Variants in ALK observed in about 807,000 individuals in gnomAD.
The protein encoded by ALK is ALK receptor tyrosine kinase.
In ALK, 74 loss-of-function variants were observed where a neutral mutation model predicts 163.1. The ratio of observed to expected loss-of-function variants is 0.45; its 90% CI spans 0.38 to 0.55. The LOEUF (loss-of-function observed/expected upper bound fraction) is 0.55. ALK is among the 20% of genes least tolerant of loss of function. The probability of loss-of-function intolerance (pLI) is 0.00; values close to 1 mark genes in which losing one functional copy is unlikely to be tolerated. For missense variants in ALK, 2,063 were observed against 2,105.3 expected, an observed-to-expected ratio of 0.98 and a Z score of 0.39; for synonymous variants, 960 against 843.2, an observed-to-expected ratio of 1.14 and a Z score of -2.40.
intron 26 of ALK, among the ~76,000 whole-genome samples, chr2:29,203,443 G>A (rs188873819): frequency 2.2e-4 from 31 of 142,180 alleles, no homozygotes; most frequent in African/African-American, 7.9e-4. Flanking sequence ...TTTCTTTGTG[G>A]AAGTTTGCAG....
At chr2:29,894,852 AAAC>A (rs1558537559) in intron 1 of ALK, among the ~76,000 whole-genome samples, 38 of 31,094 alleles carry the variant, frequency 1.2e-3, no homozygotes, top group African/African-American at 2.1e-3. Context: ...ACACACACAC[AAAC>A]ACACACACAC....
chr2:29,696,508 T>G (rs1055732028), intron 2 of ALK, among the ~76,000 whole-genome samples: 3 of 134,194 alleles, frequency 2.2e-5, no homozygotes, highest in African/African-American at 8.5e-5. Context: ...TGTTCGCACA[T>G]GTATCCAAGA....
At chr2:29,624,130 T>C (rs1676120180) in intron 3 of ALK, among the ~76,000 whole-genome samples, 1 of 22,930 alleles carries the variant, frequency 4.4e-5, no homozygotes, top group Admixed American at 4.8e-4. Flanking sequence ...TGTCAGACTA[T>C]GTGTTGATGC....
At chr2:29,712,778 C>A (rs548503375) in intron 2 of ALK, among the ~76,000 whole-genome samples, 1 of 152,128 alleles carries the variant, frequency 6.6e-6, no homozygotes, top group African/African-American at 2.4e-5. Context: ...CTGGATAGGT[C>A]TCCTTGGACT....
chr2:29,724,325 T>C (rs767695444), intron 1 of ALK, among the ~76,000 whole-genome samples: 3 of 152,222 alleles, frequency 2.0e-5, no homozygotes, highest in Non-Finnish European at 2.9e-5. Context: ...CACTTAATAA[T>C]GCATTCGTTT....
At chr2:29,903,863 A>G (rs1222389895) in intron 1 of ALK, among the ~76,000 whole-genome samples, 1 of 152,180 alleles carries the variant, frequency 6.6e-6, no homozygotes, top group Non-Finnish European at 1.5e-5. Context: ...AACTGTTTAT[A>G]GAAATAACAC....
At chr2:29,530,060 CTCTT>C (rs1247521203) in intron 4 of ALK, among the ~76,000 whole-genome samples, 41 of 102,698 alleles carry the variant, frequency 4.0e-4, no homozygotes, top group Admixed American at 8.4e-4. Flanking sequence ...AAAATAATCG[CTCTT>C]TTTTTTTTTT....
Position 29,392,698 on chromosome 2 carries a change from G to T in ALK, c.1155-8839C>A, listed in dbSNP as rs145312508. 1.8e-3 allele frequency among the ~76,000 whole-genome samples: 281 copies of T among 152,282 alleles called. 1 individual carries two copies. The highest frequency in any genetic ancestry group is 6.3e-3 in the African/African-American group (263 of 41,544). On this transcript the variant is annotated intron_variant, in intron 4 of 28. Coordinates refer to ENST00000389048, the MANE Select transcript of ALK (RefSeq NM_004304.5). ...CTTAGCCTCTAAATCATTGCAATCGGGATGGGGAGGAGTAGGAGTAGACTG... is the reference window on the plus strand; with the variant it reads ...CTTAGCCTCTAAATCATTGCAATCGTGATGGGGAGGAGTAGGAGTAGACTG...
At chr2:29,764,542 C>T (rs1185620027) in intron 1 of ALK, among the ~76,000 whole-genome samples, 1 of 152,148 alleles carries the variant, frequency 6.6e-6, no homozygotes, top group African/African-American at 2.4e-5. Context: ...ATTCTTAGAG[C>T]ACACACTTGG....
At chr2:29,674,581 AT>A (rs1410562386) in intron 3 of ALK, among the ~76,000 whole-genome samples, 1 of 150,930 alleles carries the variant, frequency 6.6e-6, no homozygotes, top group Non-Finnish European at 1.5e-5. Context: ...TTTTGCCAGT[AT>A]TTTATTGAGG....
intron 9 of ALK, among the ~76,000 whole-genome samples, chr2:29,293,844 T>TATATTTCATGCAACAGCCAGGG (rs6146694): frequency 7.9e-5 from 12 of 152,054 alleles, no homozygotes; most frequent in Admixed American, 7.9e-4. Context: ...TGGTCAGATT[T>TATATTTCATGCAACAGCCAGGG]CCAATACCGT....
chr2:29,212,830 C>T (rs972487400), intron 24 of ALK, among the ~76,000 whole-genome samples: 10 of 152,118 alleles, frequency 6.6e-5, no homozygotes, highest in South Asian at 2.1e-4. Context: ...CCTCACCTCC[C>T]GAGTAGCTGG....
chr2:29,278,643 C>T (rs1315478584), intron 9 of ALK, among the ~76,000 whole-genome samples: 3 of 152,200 alleles, frequency 2.0e-5, no homozygotes, highest in African/African-American at 7.2e-5. Context: ...AAAACCAGGG[C>T]CCTAATACTG....
chr2:29,698,234 A>G (rs953509902), intron 2 of ALK, among the ~76,000 whole-genome samples: 2 of 152,182 alleles, frequency 1.3e-5, no homozygotes, highest in African/African-American at 4.8e-5. Context: ...GTGCTTGAAG[A>G]CACCTGGTTT....
chr2:29,290,071 C>T (rs1213817562), intron 9 of ALK, among the ~76,000 whole-genome samples: 3 of 152,178 alleles, frequency 2.0e-5, no homozygotes, highest in African/African-American at 7.2e-5. Context: ...GGACATAATG[C>T]CTCAGGGGAT....
intron 3 of ALK, among the ~76,000 whole-genome samples, chr2:29,675,687 C>G (rs779297001): frequency 6.6e-6 from 1 of 151,946 alleles, no homozygotes; most frequent in South Asian, 2.1e-4. Flanking sequence ...CAATTCTTTA[C>G]CTTCTTTGCA....
At chr2:29,620,364 T>C (rs1237809260) in intron 3 of ALK, among the ~76,000 whole-genome samples, 2 of 152,166 alleles carry the variant, frequency 1.3e-5, no homozygotes, top group Non-Finnish European at 2.9e-5. Context: ...CCACCTCTTA[T>C]AAGGATCTAC....
At chr2:29,770,896 C>T (rs1681001219) in intron 1 of ALK, among the ~76,000 whole-genome samples, 1 of 151,922 alleles carries the variant, frequency 6.6e-6, no homozygotes, top group South Asian at 2.1e-4. Flanking sequence ...CAGCCACACA[C>T]ACAGTCTCAC....
At chr2:29,259,432 G>T (rs1665028952) in intron 11 of ALK, among the ~76,000 whole-genome samples, 1 of 152,152 alleles carries the variant, frequency 6.6e-6, no homozygotes, top group Non-Finnish European at 1.5e-5. Flanking sequence ...TCATTATGTT[G>T]CTATTTCTGT....
Sources: allele counts gnomAD v4.1 joint callset (sites outside exome capture counted in the v4.1 genomes callset), GRCh38; gene constraint gnomAD v4.1.1; transcripts MANE v1.5; gene names NCBI Gene and HGNC (gene_info 2026-07-23, HGNC 2026-07-21).